The following GRIN2B variants were observed in gnomAD, a reference collection of about 807,000 sequenced individuals.
GRIN2B encodes the protein glutamate receptor ionotropic, NMDA 2B.
GRIN2B carries 5 observed loss-of-function variants against 114.5 expected under a neutral mutation model. That is an observed-to-expected ratio of 0.04 (90% confidence interval 0.02 to 0.09). The LOEUF (loss-of-function observed/expected upper bound fraction) is 0.09, where lower values mean the gene tolerates loss of function less well. Among genes scored for constraint, GRIN2B ranks in the 10% least tolerant of loss-of-function variants. The pLI, the probability that GRIN2B is intolerant of heterozygous loss-of-function variation, is 1.00. For missense variants in GRIN2B, 1,108 were observed against 1,943.5 expected (o/e 0.57, Z 8.08); for synonymous variants, 787 against 745.1 (o/e 1.06, Z -0.92).
At chr12:13,813,956 T>C (rs991415744) in intron 3 of GRIN2B, among the ~76,000 whole-genome samples, 1 of 152,228 alleles carries the variant, frequency 6.6e-6, no homozygotes, top group African/African-American at 2.4e-5. Flanking sequence ...TGTATTCTCA[T>C]GCATCATCAT....
At chr12:13,796,245 T>A (rs1328305023) in intron 3 of GRIN2B, among the ~76,000 whole-genome samples, 2 of 152,112 alleles carry the variant, frequency 1.3e-5, no homozygotes, top group Admixed American at 6.5e-5. Context: ...TGTTGTAAAA[T>A]ATGGCCTCTC....
intron 3 of GRIN2B, among the ~76,000 whole-genome samples, chr12:13,784,591 A>G (rs1286138624): frequency 1.3e-5 from 2 of 152,144 alleles, no homozygotes; most frequent in Non-Finnish European, 2.9e-5. Flanking sequence ...GAGCTGGCCT[A>G]AAGACTCATC....
At chr12:13,723,436 T>C (rs1441132636) in intron 4 of GRIN2B, among the ~76,000 whole-genome samples, 1 of 151,850 alleles carries the variant, frequency 6.6e-6, no homozygotes, top group Non-Finnish European at 1.5e-5. Flanking sequence ...TCTCCTTCCC[T>C]GTCTCACTGT....
chr12:13,964,677 G>A (rs1401857238), intron 2 of GRIN2B, among the ~76,000 whole-genome samples: 1 of 152,224 alleles, frequency 6.6e-6, no homozygotes, highest in Admixed American at 6.5e-5. Flanking sequence ...TTTCAGGGAA[G>A]AGGATCCAGA....
intron 3 of GRIN2B, among the ~76,000 whole-genome samples, chr12:13,790,104 A>T (rs992729648): frequency 2.6e-5 from 4 of 152,174 alleles, no homozygotes; most frequent in Non-Finnish European, 5.9e-5. Context: ...AGGGATGCAA[A>T]TATCCTTCAG....
intron 2 of GRIN2B, among the ~76,000 whole-genome samples, chr12:13,937,096 AGGG>A (rs761130234): frequency 3.9e-5 from 5 of 128,906 alleles, no homozygotes; most frequent in African/African-American, 5.8e-5. Context: ...AAAAAAAAAA[AGGG>A]GGGGGGGAAG....
intron 2 of GRIN2B, among the ~76,000 whole-genome samples, chr12:13,932,984 T>TGCGC (rs1290495591): frequency 7.7e-6 from 1 of 129,682 alleles, no homozygotes; most frequent in African/African-American, 3.0e-5. Context: ...TGTGTGTGTG[T>TGCGC]GTGCGTGTGC....
At chr12:13,616,312 A>T (rs1332104157) in intron 6 of GRIN2B, 143 bp downstream of exon 6, 3 of 705,398 alleles carry the variant, frequency 4.3e-6, no homozygotes, top group Non-Finnish European at 5.2e-6. Flanking sequence ...GAGGGCTGCC[A>T]GTAATCCCAC....
At chr12:13,613,324 T>C (rs901524050) in intron 8 of GRIN2B, among the ~76,000 whole-genome samples, 7 of 152,194 alleles carry the variant, frequency 4.6e-5, no homozygotes, top group Non-Finnish European at 1.0e-4. Context: ...CATCGTCTGT[T>C]TTGGTCTTTA....
intron 3 of GRIN2B, among the ~76,000 whole-genome samples, chr12:13,857,497 G>C (rs1332350079): frequency 1.3e-5 from 2 of 152,086 alleles, no homozygotes; most frequent in Admixed American, 1.3e-4. Flanking sequence ...CCAGTAGAGA[G>C]GAATAAGTTG....
chr12:13,544,239 C>T lies in GRIN2B; in HGVS notation c.*18544G>A, dbSNP rs1264569183. The T allele has an allele frequency of 6.6e-6, 1 of 152,212 alleles. No individual in the cohort carries two copies. Among genetic ancestry groups the T allele is most frequent in the Non-Finnish European group, 1.5e-5 (1 of 68,066 alleles). 9.4% of individuals were successfully genotyped at this position (152,212 alleles called of 1,614,324 possible). On this transcript the variant is annotated 3_prime_UTR_variant, in exon 14 of 14. Coordinates refer to ENST00000609686, the MANE Select transcript of GRIN2B (RefSeq NM_000834.5). Reference sequence around the variant, plus strand: ...CCCACCAGTCCACTGAAACAGCTCTCTTCCAGGTCATCAATGGGATGACCT... The same window carrying T: ...CCCACCAGTCCACTGAAACAGCTCTTTTCCAGGTCATCAATGGGATGACCT...
chr12:13,975,676 T>C (rs1019275007), intron 2 of GRIN2B, among the ~76,000 whole-genome samples: 2 of 152,254 alleles, frequency 1.3e-5, no homozygotes, highest in Non-Finnish European at 1.5e-5. Context: ...CATTTTCTGA[T>C]AATCTATTAT....
chr12:13,815,944 C>A (rs1012396370), intron 3 of GRIN2B, among the ~76,000 whole-genome samples: 3 of 151,984 alleles, frequency 2.0e-5, no homozygotes, highest in Non-Finnish European at 2.9e-5. Flanking sequence ...TCAAGAGAAC[C>A]AAATACATGC....
At chr12:13,808,414 C>T (rs1440274840) in intron 3 of GRIN2B, among the ~76,000 whole-genome samples, 1 of 152,048 alleles carries the variant, frequency 6.6e-6, no homozygotes, top group Non-Finnish European at 1.5e-5. Flanking sequence ...GGGCAGATCC[C>T]CAGCACATGA....
chr12:13,875,458 T>C (rs11055659), intron 2 of GRIN2B, among the ~76,000 whole-genome samples: 53,492 of 151,862 alleles, frequency 0.35, 9,627 homozygotes, highest in Middle Eastern at 0.41. Context: ...ACCCAGGAGG[T>C]GGAGGTTGCA....
intron 2 of GRIN2B, among the ~76,000 whole-genome samples, chr12:13,870,021 G>A (rs1318098287): frequency 2.0e-5 from 3 of 152,186 alleles, no homozygotes; most frequent in Admixed American, 2.0e-4. Context: ...GCTGTTCAAG[G>A]AGCCTAGCTA....
intron 5 of GRIN2B, among the ~76,000 whole-genome samples, chr12:13,667,453 G>A (rs1201585197): frequency 1.3e-5 from 2 of 151,926 alleles, no homozygotes; most frequent in East Asian, 1.9e-4. Context: ...AAAAAAAAGG[G>A]GACAAATCTT....
chr12:13,926,106 A>G (rs1866906358), intron 2 of GRIN2B, among the ~76,000 whole-genome samples: 1 of 152,140 alleles, frequency 6.6e-6, no homozygotes, highest in Admixed American at 6.5e-5. Flanking sequence ...GAATAAATCC[A>G]TCTGGGGCAC....
chr12:13,698,049 C>A (rs2136565260), intron 4 of GRIN2B, among the ~76,000 whole-genome samples: 1 of 152,346 alleles, frequency 6.6e-6, no homozygotes, highest in South Asian at 2.1e-4. Context: ...ACTACCATTG[C>A]ACAGAACAGC....
Sources: allele counts gnomAD v4.1 joint callset (sites outside exome capture counted in the v4.1 genomes callset), GRCh38; gene constraint gnomAD v4.1.1; transcripts MANE v1.5; gene names NCBI Gene and HGNC (gene_info 2026-07-23, HGNC 2026-07-21).